Variants in MTMR7 observed in about 807,000 individuals in gnomAD.
The protein encoded by MTMR7 is phosphatidylinositol-3-phosphate phosphatase MTMR7.
A neutral mutation model predicts 81.2 loss-of-function variants in MTMR7; 76 were observed. The observed-to-expected ratio is 0.94, with a 90% CI of 0.78 to 1.13. The LOEUF (loss-of-function observed/expected upper bound fraction) is 1.13, where lower values mean the gene tolerates loss of function less well. MTMR7 is among the 50% of genes most tolerant of loss of function. The probability of loss-of-function intolerance (pLI) is 0.00; values close to 1 mark genes in which losing one functional copy is unlikely to be tolerated. For missense variants in MTMR7, 1,044 were observed against 820.0 expected (o/e 1.27, Z -3.34); for synonymous variants, 372 against 289.8 (o/e 1.28, Z -2.88).
At chr8:17,377,826 G>A (rs1347005132) in intron 1 of MTMR7, among the ~76,000 whole-genome samples, 1 of 151,816 alleles carries the variant, frequency 6.6e-6, no homozygotes, top group Admixed American at 6.6e-5. Context: ...CATATGGTTG[G>A]GATATTTTAC....
At chr8:17,340,415 T>C (rs113359874) in intron 6 of MTMR7, among the ~76,000 whole-genome samples, 3 of 152,368 alleles carry the variant, frequency 2.0e-5, no homozygotes, top group African/African-American at 7.2e-5. Context: ...GCTAGGAAAG[T>C]GCAATTGCAA....
At chr8:17,371,981 C>G (rs2150565694) in intron 2 of MTMR7, among the ~76,000 whole-genome samples, 1 of 149,518 alleles carries the variant, frequency 6.7e-6, no homozygotes, top group South Asian at 2.1e-4. Context: ...TTCCTCCTGT[C>G]TTTTGGAAAC....
At chr8:17,322,085 A>G (rs1401727707) in intron 7 of MTMR7, among the ~76,000 whole-genome samples, 3 of 151,962 alleles carry the variant, frequency 2.0e-5, no homozygotes, top group South Asian at 4.2e-4. Context: ...AAGTTGAAAC[A>G]TATACAGCCC....
chr8:17,367,292 G>A (rs538724953), intron 3 of MTMR7, among the ~76,000 whole-genome samples: 1 of 152,096 alleles, frequency 6.6e-6, no homozygotes, highest in Non-Finnish European at 1.5e-5. Flanking sequence ...TTTAAGTGTT[G>A]AAGTACCCAC....
chr8:17,365,682 G>A (rs576259437), intron 3 of MTMR7, among the ~76,000 whole-genome samples: 56 of 152,316 alleles, frequency 3.7e-4, no homozygotes, highest in African/African-American at 1.2e-3. Flanking sequence ...GACTGTGGGA[G>A]TAAACTGAAT....
intron 7 of MTMR7, among the ~76,000 whole-genome samples, chr8:17,314,872 G>A (rs368516776): frequency 1.4e-4 from 22 of 152,300 alleles, no homozygotes; most frequent in African/African-American, 5.3e-4. Context: ...TAAGGTCACA[G>A]TGTTGCCCCT....
At chr8:17,355,548 A>C (rs963554629) in intron 4 of MTMR7, among the ~76,000 whole-genome samples, 3 of 152,078 alleles carry the variant, frequency 2.0e-5, no homozygotes, top group African/African-American at 7.2e-5. Flanking sequence ...GACAAAGTTT[A>C]GCAAACAGAC....
At chr8:17,360,585 A>C (rs1820030115) in intron 4 of MTMR7, among the ~76,000 whole-genome samples, 1 of 151,910 alleles carries the variant, frequency 6.6e-6, no homozygotes, top group Non-Finnish European at 1.5e-5. Flanking sequence ...TAAGCCTGTC[A>C]TTAAGGAGAA....
intron 1 of MTMR7, among the ~76,000 whole-genome samples, chr8:17,402,132 A>G (rs1408047719): frequency 6.6e-6 from 1 of 152,264 alleles, no homozygotes; most frequent in Middle Eastern, 3.4e-3. Flanking sequence ...GTAGGTCTAT[A>G]TATTTATGGA....
At chr8:17,383,973 A>G (rs962894080) in intron 1 of MTMR7, among the ~76,000 whole-genome samples, 1 of 152,204 alleles carries the variant, frequency 6.6e-6, no homozygotes, top group Non-Finnish European at 1.5e-5. Context: ...TTTATTTATG[A>G]CAGGTGTCAC....
Position 17,371,142 on chromosome 8 carries a change from G to T in MTMR7, c.205C>A (p.Pro69Thr), listed in dbSNP as rs1820409156. 1 of 1,614,184 alleles carries T rather than the reference G, an allele frequency of 6.2e-7. No individual in the cohort carries two copies. The stretch of plus-strand genomic sequence containing the variant: ...AAGTTCTTGCAGCGAATCAGCAGAG[G>T]GCATCCGGTAGCGGTTGTTGCCTGT... ...EKQATTATGC[P>T]LLIRCKNFQI... Residue 69 changes from proline to threonine, a missense_variant, in exon 3 of 14, where the codon CCT becomes ACT. Transcript: ENST00000180173.
intron 5 of MTMR7, among the ~76,000 whole-genome samples, chr8:17,342,801 A>G (rs1819442254): frequency 1.3e-5 from 2 of 152,244 alleles, no homozygotes; most frequent in South Asian, 4.1e-4. Context: ...GAAGCAAAGC[A>G]AAGGGGCAGC....
intron 12 of MTMR7, 140 bp from the exon 13 acceptor site, chr8:17,302,420 T>A: frequency 1.2e-6 from 1 of 856,456 alleles, no homozygotes; most frequent in Non-Finnish European, 1.7e-6. Flanking sequence ...AGCCACTACT[T>A]AAGGTAATAA....
intron 1 of MTMR7, among the ~76,000 whole-genome samples, chr8:17,408,395 C>CA (rs530240881): frequency 0.023 from 523 of 22,956 alleles, 37 homozygotes; most frequent in African/African-American, 0.03. Context: ...GACTCCGTCT[C>CA]AAAAAAAAAA....
rs181536202 is a variant in MTMR7 at position 17,303,539 on chromosome 8, G to A, written c.1493+840C>T. ...AAGGAAGCCAAAGGAAAAAACATAC[G>A]TATCTAGCACATACCTAGTAGAACT... is the stretch of plus-strand genomic sequence containing the variant. On this transcript the variant is annotated intron_variant, in intron 12 of 13. Coordinates refer to ENST00000180173, the MANE Select transcript of MTMR7 (RefSeq NM_004686.5). Among the ~76,000 whole-genome samples, 446 of 151,830 alleles carry A rather than the reference G, an allele frequency of 2.9e-3. 1 individual carries two copies. The highest frequency in any genetic ancestry group is 0.01 in the African/African-American group (415 of 41,426).
At chr8:17,327,870 ACT>A (rs570037723) in intron 7 of MTMR7, among the ~76,000 whole-genome samples, 33 of 152,258 alleles carry the variant, frequency 2.2e-4, no homozygotes, top group African/African-American at 3.9e-4. Context: ...CTTACTGTTT[ACT>A]CTTTTAAAAA....
At chr8:17,380,031 T>C (rs188594734) in intron 1 of MTMR7, among the ~76,000 whole-genome samples, 198 of 152,192 alleles carry the variant, frequency 1.3e-3, no homozygotes, top group African/African-American at 4.5e-3. Context: ...CACAAGACAA[T>C]GACACATAAA....
At chr8:17,368,972 C>T (rs372927429) in intron 3 of MTMR7, among the ~76,000 whole-genome samples, 2 of 152,212 alleles carry the variant, frequency 1.3e-5, no homozygotes, top group Non-Finnish European at 2.9e-5. Context: ...CCTCAGGGAT[C>T]CTCACGGCGA....
chr8:17,331,112 A>G (rs770554531), intron 7 of MTMR7, 38 bp downstream of exon 7: 1 of 1,586,406 alleles, frequency 6.3e-7, no homozygotes, highest in Non-Finnish European at 8.5e-7. Flanking sequence ...CAAAATACTT[A>G]ACTGCATTTT....
Sources: gnomAD v4.1 joint callset for allele counts (sites outside exome capture counted in the v4.1 genomes callset) on GRCh38, gnomAD v4.1.1 for gene constraint, MANE v1.5 for transcripts, NCBI Gene and HGNC (gene_info 2026-07-23, HGNC 2026-07-21) for gene names.